Variants in SKI observed in about 807,000 individuals in gnomAD.
SKI encodes the protein ski oncogene.
Under a neutral mutation model 59.3 loss-of-function variants are expected in SKI, and 23 were observed. The observed-to-expected ratio is 0.39, with a 90% CI of 0.28 to 0.55. SKI has a LOEUF of 0.55. Ranked by LOEUF, SKI falls within the 20% of genes least tolerant of loss-of-function variation. SKI has a pLI of 0.67. For synonymous variants in SKI, 673 were observed against 488.6 expected (o/e 1.38, Z -4.98); for missense variants, 1,017 against 1,038.9 (o/e 0.98, Z 0.29).
chr1:2,289,167 A>C (rs1483424466), intron 1 of SKI, among the ~76,000 whole-genome samples: 1 of 152,202 alleles, frequency 6.6e-6, no homozygotes, highest in Admixed American at 6.5e-5. Flanking sequence ...GAAAGCACAC[A>C]GAAGGCAGAG....
At chr1:2,285,136 C>T (rs933890254) in intron 1 of SKI, among the ~76,000 whole-genome samples, 5 of 152,078 alleles carry the variant, frequency 3.3e-5, no homozygotes, top group Admixed American at 2.0e-4. Flanking sequence ...GTGGACTTGT[C>T]CCCATCTGTC....
chr1:2,235,307 G>A (rs947311977), intron 1 of SKI, among the ~76,000 whole-genome samples: 19 of 152,338 alleles, frequency 1.2e-4, no homozygotes, highest in African/African-American at 4.6e-4. Context: ...GCCTCCCAGA[G>A]TGCTGGGATT....
At chr1:2,283,544 C>T (rs1305412702) in intron 1 of SKI, among the ~76,000 whole-genome samples, 4 of 152,232 alleles carry the variant, frequency 2.6e-5, no homozygotes, top group African/African-American at 9.6e-5. Flanking sequence ...ATTTGGTGGC[C>T]GCTTCCCCTG....
chr1:2,251,794 G>A (rs1038901570), intron 1 of SKI, among the ~76,000 whole-genome samples: 1 of 152,226 alleles, frequency 6.6e-6, no homozygotes, highest in Non-Finnish European at 1.5e-5. Context: ...TTCTTTCCTC[G>A]TGAATGTCGA....
intron 1 of SKI, among the ~76,000 whole-genome samples, chr1:2,259,248 G>C (rs1259880812): frequency 1.3e-5 from 2 of 152,250 alleles, no homozygotes; most frequent in African/African-American, 4.8e-5. Flanking sequence ...GGCTGAGTAG[G>C]TGCGAGAGAG....
chr1:2,232,921 C>T (rs944581101), intron 1 of SKI, among the ~76,000 whole-genome samples: 1 of 152,198 alleles, frequency 6.6e-6, no homozygotes, highest in Non-Finnish European at 1.5e-5. Flanking sequence ...TTCCCCACTC[C>T]CACCCCTCTT....
Position 2,283,350 on chromosome 1 carries a change from G to T in SKI, c.970-19628G>T, listed in dbSNP as rs543793794. Reference sequence around the variant, plus strand: ...GACAGGGCAAGGACTCAGAGCCTCAGGGGGGGGAGGGCAGGGCCTCCTGAG... The same window carrying T: ...GACAGGGCAAGGACTCAGAGCCTCATGGGGGGGAGGGCAGGGCCTCCTGAG... On this transcript the variant is annotated intron_variant, in intron 1 of 6. Transcript: ENST00000378536. Among the ~76,000 whole-genome samples, 36 of 102,678 alleles carry T rather than the reference G, an allele frequency of 3.5e-4. No homozygotes were observed. The South Asian group carries it at 4.8e-3, about 14-fold the overall frequency. The allele number at this position is 102,678 out of a possible 152,430, so 67.4% of individuals were successfully genotyped here.
intron 1 of SKI, among the ~76,000 whole-genome samples, chr1:2,274,341 C>G (rs1158734751): frequency 6.6e-6 from 1 of 152,176 alleles, no homozygotes; most frequent in Non-Finnish European, 1.5e-5. Flanking sequence ...CGGTTCTTCT[C>G]TCTGCATTTC....
intron 1 of SKI, among the ~76,000 whole-genome samples, chr1:2,248,593 C>T (rs1206044788): frequency 8.5e-5 from 13 of 152,132 alleles, no homozygotes; most frequent in African/African-American, 2.2e-4. Flanking sequence ...TGAGGCGGGG[C>T]GGCGCTCTGC....
intron 1 of SKI, among the ~76,000 whole-genome samples, chr1:2,239,943 CT>C (rs1400507646): frequency 6.6e-6 from 1 of 152,248 alleles, no homozygotes; most frequent in Non-Finnish European, 1.5e-5. Flanking sequence ...GCCCCCACCC[CT>C]GTTCGGTTCC....
chr1:2,293,437 A>C (rs10910050), intron 1 of SKI, among the ~76,000 whole-genome samples: 113,863 of 143,756 alleles, frequency 0.79, 45,154 homozygotes, highest in East Asian at 0.9. Context: ...GCCCCCCCCC[A>C]ACATCTGGAA....
intron 1 of SKI, among the ~76,000 whole-genome samples, chr1:2,243,189 T>C (rs1034857213): frequency 3.9e-5 from 6 of 152,238 alleles, no homozygotes; most frequent in African/African-American, 1.2e-4. Context: ...ACTTAGTGTC[T>C]GGGGCATGGG....
Position 2,306,761 on chromosome 1 carries a change from C to A in SKI, c.2183C>A (p.Pro728Gln). 6.6e-7 allele frequency: 1 copy of A among 1,513,748 alleles called. No homozygotes were observed. 93.8% of individuals were successfully genotyped at this position (1,513,748 alleles called of 1,614,324 possible). Residue 728 changes from proline to glutamine, a missense_variant, in exon 7 of 7, where the codon CCG becomes CAG. Pro to Gln is a moderately conservative substitution (Grantham distance 76). Coordinates refer to ENST00000378536, the MANE Select transcript of SKI (RefSeq NM_003036.4). ...AGSEGAAELEP is the reference protein window; with the variant it reads ...AGSEGAAELEQ ...AGCGAGGGCGCTGCGGAGCTGGAGC[C>A]GTAGATTCCGTGCCTGCCGCCGCAG...
chr1:2,261,764 C>T (rs1011083805), intron 1 of SKI, among the ~76,000 whole-genome samples: 1 of 152,272 alleles, frequency 6.6e-6, no homozygotes, highest in Non-Finnish European at 1.5e-5. Context: ...CTAGGGCCTC[C>T]AGGGCAGTTT....
intron 1 of SKI, among the ~76,000 whole-genome samples, chr1:2,239,309 C>T (rs1484432593): frequency 1.3e-5 from 2 of 152,074 alleles, no homozygotes; most frequent in African/African-American, 2.4e-5. Flanking sequence ...CTTGCCTGAC[C>T]CTAGTGGGTT....
At chr1:2,273,937 G>A (rs997524785) in intron 1 of SKI, among the ~76,000 whole-genome samples, 21 of 152,142 alleles carry the variant, frequency 1.4e-4, no homozygotes, top group African/African-American at 4.8e-4. Flanking sequence ...GGAAGGTGAC[G>A]GCATCTCCCT....
chr1:2,305,883 A>T, intron 5 of SKI, 137 bp from the exon 6 acceptor site: 1 of 750,380 alleles, frequency 1.3e-6, no homozygotes, highest in South Asian at 1.5e-5. Flanking sequence ...GGTTGGGCTG[A>T]TGGCGCGCTG....
Position 2,291,448 on chromosome 1 carries a change from ATCT to A in SKI, c.970-11529_970-11527del, listed in dbSNP as rs1035561217. Among the ~76,000 whole-genome samples, 10 of 152,272 alleles carry A rather than the reference ATCT, an allele frequency of 6.6e-5. 1 individual carries two copies. Among genetic ancestry groups the A allele is most frequent in the African/African-American group, 2.4e-4 (10 of 41,560 alleles). ...CAGACTTCCCGGGGTCAGCACACAC[ATCT>A]AGGGTCGTCATGGAGCCCATGGCAG... On this transcript the variant is annotated intron_variant, in intron 1 of 6. Coordinates refer to ENST00000378536, the MANE Select transcript of SKI (RefSeq NM_003036.4).
chr1:2,303,049 C>G lies in SKI; in HGVS notation c.1041C>G (p.Ser347=), dbSNP rs140745811. ...CCTCTTCCCAGTCCCCCGCGCCTTC[C>G]GAAAAGGACAAGCCGTCCAGCTGGC... ...DDTSSQSPAP[S]EKDKPSSWLR... is the part of the protein sequence containing the mutation. The change falls in exon 2 of 7, where the codon TCC becomes TCG. Residue 347 remains serine, a synonymous_variant. Coordinates refer to ENST00000378536, the MANE Select transcript of SKI (RefSeq NM_003036.4). This position sits in a 1 kb window ranked among gnomAD's most constrained non-coding sequence, Gnocchi z 5.6. The G allele has an allele frequency of 1.2e-5, 19 of 1,613,688 alleles. 1 individual carries two copies. The South Asian group carries it at 1.6e-4, about 14-fold the overall frequency.
Sources: allele counts gnomAD v4.1 joint callset (sites outside exome capture counted in the v4.1 genomes callset), GRCh38; gene constraint gnomAD v4.1.1; non-coding constraint Gnocchi (gnomAD v3.1); transcripts MANE v1.5; gene names NCBI Gene and HGNC (gene_info 2026-07-23, HGNC 2026-07-21).